Variants in ANKS1B observed in about 807,000 individuals in gnomAD.
ANKS1B encodes ankyrin repeat and sterile alpha motif domain containing 1B, also known as ankyrin repeat and sterile alpha motif domain-containing protein 1B.
A neutral mutation model predicts 148.3 loss-of-function variants in ANKS1B; 36 were observed. That is an observed-to-expected ratio of 0.24 (90% CI 0.19 to 0.32). The LOEUF (loss-of-function observed/expected upper bound fraction) is 0.32. Ranked by LOEUF, ANKS1B falls within the 10% of genes least tolerant of loss-of-function variation. The pLI is 1.00. For synonymous variants in ANKS1B, 542 were observed against 560.8 expected, an observed-to-expected ratio of 0.97 and a Z score of 0.47; for missense variants, 1,157 against 1,542.6, an observed-to-expected ratio of 0.75 and a Z score of 4.19.
chr12:99,702,897 T>G (rs886866446), intron 8 of ANKS1B, among the ~76,000 whole-genome samples: 6 of 152,102 alleles, frequency 3.9e-5, no homozygotes, highest in African/African-American at 1.4e-4. Context: ...AGTAGTTTCA[T>G]AGTTTCAGGT....
At chr12:98,921,604 T>C (rs1292679129) in intron 17 of ANKS1B, among the ~76,000 whole-genome samples, 1 of 152,200 alleles carries the variant, frequency 6.6e-6, no homozygotes, top group Non-Finnish European at 1.5e-5. Context: ...ATGCCTGTCT[T>C]CCATCCTCTG....
At chr12:99,889,285 G>A (rs1354052055) in intron 1 of ANKS1B, among the ~76,000 whole-genome samples, 3 of 152,082 alleles carry the variant, frequency 2.0e-5, no homozygotes, top group Non-Finnish European at 4.4e-5. Flanking sequence ...CTGCTGGAAA[G>A]GTAAGTAACA....
intron 9 of ANKS1B, among the ~76,000 whole-genome samples, chr12:99,636,078 T>C (rs952017638): frequency 6.6e-6 from 1 of 151,814 alleles, no homozygotes; most frequent in Non-Finnish European, 1.5e-5. Context: ...AAAAGATAAA[T>C]ACCAAGAAAC....
rs531302625 is a variant in ANKS1B at position 99,861,331 on chromosome 12, T to G, written c.135-35942A>C. On this transcript the variant is annotated intron_variant, in intron 1 of 26. Transcript: ENST00000683438. ...ACATGAAATAAGAGAAGAAAATCAA[T>G]GGTAGAAAAATTCCCTTGTACAGTA... 9.8e-5 allele frequency among the ~76,000 whole-genome samples: 15 copies of G among 152,332 alleles called. No individual in the cohort carries two copies. The South Asian group carries it at 1.4e-3, about 15-fold the overall frequency.
chr12:98,751,520 A>G lies in ANKS1B; in HGVS notation c.3582T>C (p.Asn1194=). Residue 1194 remains asparagine, a splice_region_variant and synonymous_variant, in exon 26 of 27, where the codon AAT becomes AAC. Coordinates refer to ENST00000683438, the MANE Select transcript of ANKS1B (RefSeq NM_001352186.2). The surrounding 1 kb of genome is among the most constrained non-coding windows in gnomAD (Gnocchi z 4.3). ...YCHVFTAFDV[N]LAYEIILTLG... The stretch of plus-strand genomic sequence containing the variant: ...GGGTTAGGATGATTTCATAGGCTAA[A>G]TTCTGCAAGAAAAATGAGAAAGCAT... 1 of 1,613,340 alleles carries G rather than the reference A, an allele frequency of 6.2e-7. No individual in the cohort carries two copies. The highest frequency in any genetic ancestry group is 8.5e-7 in the Non-Finnish European group (1 of 1,179,694).
Position 98,880,637 on chromosome 12 carries a change from G to A in ANKS1B, c.2779-48501C>T, listed in dbSNP as rs185042631. ...AAAAAAGTTAGCTGGGCGTGGTGGCGGGCGCCTGTAGTCCCAGCTACTCAG... is the reference window on the plus strand; with the variant it reads ...AAAAAAGTTAGCTGGGCGTGGTGGCAGGCGCCTGTAGTCCCAGCTACTCAG... On this transcript the variant is annotated intron_variant, in intron 17 of 26. Transcript: ENST00000683438. Among the ~76,000 whole-genome samples, 1,273 of 152,114 alleles carry A rather than the reference G, an allele frequency of 8.4e-3. 20 individuals carry two copies. The highest frequency in any genetic ancestry group is 0.029 in the African/African-American group (1,218 of 41,514).
chr12:99,912,632 G>A (rs1436397033), intron 1 of ANKS1B, among the ~76,000 whole-genome samples: 1 of 152,144 alleles, frequency 6.6e-6, no homozygotes, highest in Non-Finnish European at 1.5e-5. Flanking sequence ...GATTACAGGC[G>A]TGAGCCACTG....
At chr12:99,792,657 C>T (rs1021136347) in intron 4 of ANKS1B, among the ~76,000 whole-genome samples, 4 of 151,754 alleles carry the variant, frequency 2.6e-5, no homozygotes, top group African/African-American at 9.7e-5. Flanking sequence ...TGCAGTCCAA[C>T]ATCCCTTCCT....
intron 8 of ANKS1B, among the ~76,000 whole-genome samples, chr12:99,669,767 C>A (rs532693074): frequency 6.6e-6 from 1 of 152,284 alleles, no homozygotes; most frequent in African/African-American, 2.4e-5. Flanking sequence ...ATAGTACCCT[C>A]TTTTCTGTTC....
Position 99,216,320 on chromosome 12 carries a change from C to T in ANKS1B, c.2419+28022G>A, listed in dbSNP as rs184338723. On this transcript the variant is annotated intron_variant, in intron 14 of 26. Transcript: ENST00000683438. ...ATAGCAGTATGAAAATGGAGTCATA[C>T]ACCCTGGGACCCTGGGCATATTACA... Among the ~76,000 whole-genome samples the T allele has an allele frequency of 3.9e-4, 60 of 152,162 alleles. No individual in the cohort carries two copies. In the South Asian group the frequency reaches 0.011, roughly 29 times the overall value.
At chr12:98,871,137 T>C (rs1451898072) in intron 17 of ANKS1B, among the ~76,000 whole-genome samples, 1 of 152,218 alleles carries the variant, frequency 6.6e-6, no homozygotes, top group Non-Finnish European at 1.5e-5. Flanking sequence ...CTTCCTCATG[T>C]AATGTAAGTG....
At chr12:99,944,102 C>G (rs2153817969) in intron 1 of ANKS1B, among the ~76,000 whole-genome samples, 1 of 152,228 alleles carries the variant, frequency 6.6e-6, no homozygotes, top group South Asian at 2.1e-4. Flanking sequence ...CCCTAAACTT[C>G]AAGAGATCTT....
intron 2 of ANKS1B, among the ~76,000 whole-genome samples, chr12:99,812,598 T>C (rs2068573463): frequency 7.0e-6 from 1 of 143,822 alleles, no homozygotes. Context: ...GAGCACACAT[T>C]GACTAACCAA....
intron 9 of ANKS1B, among the ~76,000 whole-genome samples, chr12:99,559,533 GGAAAA>G (rs1233346120): frequency 6.6e-6 from 1 of 152,056 alleles, no homozygotes; most frequent in Non-Finnish European, 1.5e-5. Context: ...TGCATGGTGG[GGAAAA>G]GAAAGCAGAA....
chr12:99,615,921 T>C (rs1199287447), intron 9 of ANKS1B, among the ~76,000 whole-genome samples: 3 of 152,128 alleles, frequency 2.0e-5, no homozygotes, highest in Non-Finnish European at 4.4e-5. Flanking sequence ...AAACTTAAGC[T>C]GATAAGCAAC....
At chr12:98,992,972 T>C (rs1598159194) in intron 17 of ANKS1B, among the ~76,000 whole-genome samples, 1 of 152,340 alleles carries the variant, frequency 6.6e-6, no homozygotes, top group South Asian at 2.1e-4. Context: ...CTTTAAAGGC[T>C]ATGAGGGAAT....
chr12:99,243,649 T>C (rs2089765386), intron 14 of ANKS1B, among the ~76,000 whole-genome samples: 1 of 152,180 alleles, frequency 6.6e-6, no homozygotes, highest in African/African-American at 2.4e-5. Context: ...AGTGATAGAC[T>C]GGATTAAGAA....
intron 12 of ANKS1B, among the ~76,000 whole-genome samples, chr12:99,310,537 A>G (rs2082994092): frequency 6.6e-6 from 1 of 152,104 alleles, no homozygotes; most frequent in Admixed American, 6.6e-5. Flanking sequence ...GGATTGAGAC[A>G]TTAGCTCTTT....
intron 12 of ANKS1B, among the ~76,000 whole-genome samples, chr12:99,286,588 C>T (rs927238965): frequency 2.0e-5 from 3 of 152,082 alleles, no homozygotes; most frequent in Non-Finnish European, 4.4e-5. Flanking sequence ...TGGAGTAGAA[C>T]ATCAAGCAGT....
Sources: gnomAD v4.1 joint callset for allele counts (sites outside exome capture counted in the v4.1 genomes callset) on GRCh38, gnomAD v4.1.1 for gene constraint, Gnocchi (gnomAD v3.1) non-coding constraint, MANE v1.5 for transcripts, NCBI Gene and HGNC (gene_info 2026-07-23, HGNC 2026-07-21) for gene names.